The following LRRC4C variants were observed in gnomAD, a reference collection of about 807,000 sequenced individuals.
LRRC4C encodes leucine-rich repeat-containing protein 4C.
A neutral mutation model predicts 33.6 loss-of-function variants in LRRC4C; 5 were observed. The ratio of observed to expected loss-of-function variants is 0.15; its 90% CI spans 0.08 to 0.31. LRRC4C has a LOEUF of 0.31. Among genes scored for constraint, LRRC4C ranks in the 10% least tolerant of loss-of-function variants. The probability of loss-of-function intolerance (pLI) is 1.00; values close to 1 mark genes in which losing one functional copy is unlikely to be tolerated. For synonymous variants in LRRC4C, 329 were observed against 302.0 expected, an observed-to-expected ratio of 1.09 and a Z score of -0.93; for missense variants, 560 against 796.7, an observed-to-expected ratio of 0.70 and a Z score of 3.58.
chr11:41,167,501 C>T (rs1258118318), intron 1 of LRRC4C, among the ~76,000 whole-genome samples: 1 of 152,146 alleles, frequency 6.6e-6, no homozygotes, highest in East Asian at 1.9e-4. Flanking sequence ...ACCACTCCTC[C>T]CTGAGGTGTG....
At chr11:40,777,337 A>G (rs1350354331) in intron 2 of LRRC4C, among the ~76,000 whole-genome samples, 1 of 152,124 alleles carries the variant, frequency 6.6e-6, no homozygotes, top group African/African-American at 2.4e-5. Context: ...CTTCTCCTCT[A>G]TAATTATGTC....
intron 5 of LRRC4C, among the ~76,000 whole-genome samples, chr11:40,197,571 T>C (rs1341509193): frequency 1.3e-5 from 2 of 152,208 alleles, no homozygotes; most frequent in African/African-American, 4.8e-5. Context: ...ATCGCTAATT[T>C]TGAGTCACAC....
At chr11:41,062,813 GAGATAC>G (rs1489855306) in intron 1 of LRRC4C, among the ~76,000 whole-genome samples, 2 of 152,150 alleles carry the variant, frequency 1.3e-5, no homozygotes, top group Non-Finnish European at 2.9e-5. Context: ...AGACACAACA[GAGATAC>G]AGATACACAC....
intron 3 of LRRC4C, among the ~76,000 whole-genome samples, chr11:40,323,646 G>T (rs60695960): frequency 0.015 from 2,278 of 152,260 alleles, 51 homozygotes; most frequent in African/African-American, 0.052. Context: ...CATGTCTGGG[G>T]TTGCTTTAGG....
chr11:41,163,070 T>C (rs538672758), intron 1 of LRRC4C, among the ~76,000 whole-genome samples: 15 of 152,184 alleles, frequency 9.9e-5, no homozygotes, highest in Admixed American at 2.0e-4. Flanking sequence ...TCTGATGGTT[T>C]TATCAGAAGT....
intron 2 of LRRC4C, among the ~76,000 whole-genome samples, chr11:40,753,394 C>A: frequency 6.6e-6 from 1 of 151,088 alleles, no homozygotes; most frequent in Admixed American, 6.6e-5. Flanking sequence ...TCACATGTAC[C>A]ATATATATGT....
intron 1 of LRRC4C, among the ~76,000 whole-genome samples, chr11:40,936,020 A>T (rs1158490984): frequency 1.3e-4 from 4 of 29,832 alleles, no homozygotes. Flanking sequence ...AATTTTATAT[A>T]TATATATATA....
intron 1 of LRRC4C, among the ~76,000 whole-genome samples, chr11:40,982,609 C>T (rs1196960958): frequency 6.6e-6 from 1 of 152,002 alleles, no homozygotes; most frequent in African/African-American, 2.4e-5. Context: ...GTGGACCACC[C>T]TTTGAATAGC....
At chr11:40,824,721 T>C (rs1309341222) in intron 2 of LRRC4C, among the ~76,000 whole-genome samples, 1 of 152,018 alleles carries the variant, frequency 6.6e-6, no homozygotes, top group Non-Finnish European at 1.5e-5. Context: ...AATGTCAACG[T>C]GTCTCCATGG....
At chr11:40,546,207 T>C (rs1001601300) in intron 3 of LRRC4C, among the ~76,000 whole-genome samples, 2 of 151,794 alleles carry the variant, frequency 1.3e-5, no homozygotes, top group Non-Finnish European at 2.9e-5. Context: ...AACAAAATGC[T>C]TTTGGCATAC....
Position 40,860,533 on chromosome 11 carries a change from G to A in LRRC4C, c.-407+73102C>T, listed in dbSNP as rs147575967. Among the ~76,000 whole-genome samples the A allele has an allele frequency of 2.3e-3, 353 of 152,194 alleles. 2 individuals are homozygous for A. The highest frequency in any genetic ancestry group is 8.1e-3 in the African/African-American group (338 of 41,522). On this transcript the variant is annotated intron_variant, in intron 2 of 6. Coordinates refer to ENST00000528697, the MANE Select transcript of LRRC4C (RefSeq NM_001258419.2). The stretch of plus-strand genomic sequence containing the variant: ...TCTAGTCTCTGCTGATGTGCCAAGC[G>A]ATCTTTGGAGTCCCTTGGCTCACAG...
intron 2 of LRRC4C, among the ~76,000 whole-genome samples, chr11:40,783,673 C>T (rs1459835188): frequency 2.0e-5 from 3 of 152,078 alleles, no homozygotes; most frequent in Non-Finnish European, 2.9e-5. Context: ...AAATTATACA[C>T]TTGATTGCAA....
At chr11:40,895,886 T>C (rs867688686) in intron 2 of LRRC4C, among the ~76,000 whole-genome samples, 3 of 152,164 alleles carry the variant, frequency 2.0e-5, no homozygotes, top group Non-Finnish European at 4.4e-5. Flanking sequence ...GTCTCTGAAA[T>C]TTCAGTCACA....
At chr11:40,958,168 CT>C (rs1959045417) in intron 1 of LRRC4C, among the ~76,000 whole-genome samples, 2 of 151,742 alleles carry the variant, frequency 1.3e-5, no homozygotes, top group Admixed American at 6.6e-5. Context: ...GATTCTAGAA[CT>C]GGGAGAAATA....
At chr11:40,988,128 G>C (rs1404838619) in intron 1 of LRRC4C, among the ~76,000 whole-genome samples, 1 of 152,052 alleles carries the variant, frequency 6.6e-6, no homozygotes, top group Non-Finnish European at 1.5e-5. Context: ...CAGGAGTAAA[G>C]CATTTTTTAA....
intron 2 of LRRC4C, among the ~76,000 whole-genome samples, chr11:40,656,042 C>T (rs891176468): frequency 6.6e-6 from 1 of 152,094 alleles, no homozygotes; most frequent in Non-Finnish European, 1.5e-5. Context: ...TCACCTTCTA[C>T]CAGGTCCCTC....
At chr11:40,451,071 T>C (rs1005836983) in intron 3 of LRRC4C, among the ~76,000 whole-genome samples, 1 of 151,730 alleles carries the variant, frequency 6.6e-6, no homozygotes, top group Non-Finnish European at 1.5e-5. Flanking sequence ...TATATATATT[T>C]ATACAAATCT....
chr11:41,061,046 C>A (rs1937727536), intron 1 of LRRC4C, among the ~76,000 whole-genome samples: 1 of 152,034 alleles, frequency 6.6e-6, no homozygotes, highest in African/African-American at 2.4e-5. Flanking sequence ...CCCTAATAAC[C>A]TCTCCCCAAG....
At chr11:41,291,128 G>T (rs1949980744) in intron 1 of LRRC4C, among the ~76,000 whole-genome samples, 1 of 152,158 alleles carries the variant, frequency 6.6e-6, no homozygotes, top group Non-Finnish European at 1.5e-5. Flanking sequence ...CAATGGCAAA[G>T]TATAACTTTT....
Sources: allele counts gnomAD v4.1 joint callset (sites outside exome capture counted in the v4.1 genomes callset), GRCh38; gene constraint gnomAD v4.1.1; transcripts MANE v1.5; gene names NCBI Gene and HGNC (gene_info 2026-07-23, HGNC 2026-07-21).